Variants in SLC22A5 observed in about 807,000 individuals in gnomAD.
The protein encoded by SLC22A5 is organic cation/carnitine transporter 2.
A neutral mutation model predicts 56.7 loss-of-function variants in SLC22A5; 44 were observed. The ratio of observed to expected loss-of-function variants is 0.78; its 90% CI spans 0.61 to 1.00. The LOEUF (loss-of-function observed/expected upper bound fraction) is 1.00. SLC22A5 is among the 50% of genes least tolerant of loss of function. The pLI, the probability that SLC22A5 is intolerant of heterozygous loss-of-function variation, is 0.00. For missense variants in SLC22A5, 675 were observed against 723.0 expected, an observed-to-expected ratio of 0.93 and a Z score of 0.76; for synonymous variants, 278 against 292.1, an observed-to-expected ratio of 0.95 and a Z score of 0.49.
At chr5:132,382,169 A>C (rs1752367753) in intron 2 of SLC22A5, 1 of 152,088 alleles carries the variant, frequency 6.6e-6, no homozygotes, top group Non-Finnish European at 1.5e-5. Context: ...GAAAAAAACA[A>C]CAACAACAGA....
chr5:132,374,086 G>A lies in SLC22A5; in HGVS notation c.393+3721G>A, dbSNP rs573089495. On this transcript the variant is annotated intron_variant, in intron 1 of 9. Coordinates refer to ENST00000245407, the MANE Select transcript of SLC22A5 (RefSeq NM_003060.4). ...CAAAAATTAGCCCTGCGTGGTGGTGGGTGCCTGTAATCCCAGCTACTCGGG... is the reference window on the plus strand; with the variant it reads ...CAAAAATTAGCCCTGCGTGGTGGTGAGTGCCTGTAATCCCAGCTACTCGGG... Among the ~76,000 whole-genome samples the A allele has an allele frequency of 5.5e-4, 83 of 152,096 alleles. 1 individual carries two copies. The South Asian group carries it at 0.017, about 32-fold the overall frequency.
chr5:132,389,143 GAT>G (rs1198199028), intron 6 of SLC22A5, 122 bp downstream of exon 6: 2 of 714,696 alleles, frequency 2.8e-6, no homozygotes, highest in Non-Finnish European at 5.1e-6. Flanking sequence ...GAGTGAAAAG[GAT>G]ATGTCTTGTG....
chr5:132,383,343 C>A (rs894824244), intron 2 of SLC22A5: 2 of 150,894 alleles, frequency 1.3e-5, no homozygotes, highest in Non-Finnish European at 3.0e-5. Flanking sequence ...CCTTCTATCG[C>A]CTTCTATGCC....
chr5:132,375,250 G>A (rs1752097681), intron 1 of SLC22A5, among the ~76,000 whole-genome samples: 1 of 152,218 alleles, frequency 6.6e-6, no homozygotes, highest in Admixed American at 6.5e-5. Context: ...GCCAGGAGTT[G>A]TAGAGGATGT....
chr5:132,382,167 C>A (rs274563), intron 2 of SLC22A5: 55,466 of 151,670 alleles, frequency 0.37, 11,093 homozygotes, highest in East Asian at 0.65. Context: ...TGGAAAAAAA[C>A]AACAACAACA....
At chr5:132,381,172 A>G (rs1752332692) in intron 2 of SLC22A5, 1 of 152,182 alleles carries the variant, frequency 6.6e-6, no homozygotes, top group Non-Finnish European at 1.5e-5. Context: ...TTACCTGAGG[A>G]AAGCATTTAA....
In SLC22A5 at chr5:132,394,539, G is replaced by A. The variant is rs962428230; in HGVS notation, c.*267G>A. ...CAATGATGGACTCAGCACCTCCAAA[G>A]CAGTTAATTTTTCACTAGAACCAGT... On this transcript the variant is annotated 3_prime_UTR_variant, in exon 10 of 10. Coordinates refer to ENST00000245407, the MANE Select transcript of SLC22A5 (RefSeq NM_003060.4). 1.7e-5 allele frequency: 9 copies of A among 518,202 alleles called. No individual in the cohort carries two copies. Among genetic ancestry groups the A allele is most frequent in the African/African-American group, 1.3e-4 (7 of 52,228 alleles). 32.1% of individuals were successfully genotyped at this position (518,202 alleles called of 1,614,324 possible).
At position 132,386,826 on chromosome 5, in the gene SLC22A5, G is replaced by A. The variant is rs536949495; in HGVS notation, c.825-199G>A. Among the ~76,000 whole-genome samples, 65 of 152,254 alleles carry A rather than the reference G, an allele frequency of 4.3e-4. No homozygotes were observed. Among genetic ancestry groups the A allele is most frequent in the Non-Finnish European group, 8.2e-4 (56 of 68,010 alleles). On this transcript the variant is annotated intron_variant, in intron 4 of 9. Coordinates refer to ENST00000245407, the MANE Select transcript of SLC22A5 (RefSeq NM_003060.4). Reference sequence around the variant, plus strand: ...GTGCAGGGCTCTCCCATTTTTGTGCGGTGTGGGGTACACATAAGCTCATCC... The same window carrying A: ...GTGCAGGGCTCTCCCATTTTTGTGCAGTGTGGGGTACACATAAGCTCATCC...
At position 132,390,679 on chromosome 5, in the gene SLC22A5, C is replaced by T. The variant is rs1752664545; in HGVS notation, c.1053-11C>T. On this transcript the variant is annotated splice_polypyrimidine_tract_variant and intron_variant, in intron 6 of 9. Transcript: ENST00000245407. ...ACTGCTTTTCCAGCTTTCTTCTGCA[C>T]TCTGTTTCAGGATGACCATATCAGT... 3 of 1,599,192 alleles carry T rather than the reference C, an allele frequency of 1.9e-6. No individual in the cohort carries two copies. The highest frequency in any genetic ancestry group is 2.6e-6 in the Non-Finnish European group (3 of 1,166,234).
At chr5:132,389,127 A>G (rs1017706704) in intron 6 of SLC22A5, 106 bp downstream of exon 6, 1 of 747,474 alleles carries the variant, frequency 1.3e-6, no homozygotes, top group Non-Finnish European at 2.4e-6. Context: ...AGCCTATGTC[A>G]TCAGAGAGTG....
intron 7 of SLC22A5, among the ~76,000 whole-genome samples, chr5:132,391,111 T>C (rs2126790153): frequency 6.6e-6 from 1 of 152,318 alleles, no homozygotes; most frequent in South Asian, 2.1e-4. Context: ...AAAGCAGCCA[T>C]TGGGGCTGTT....
chr5:132,387,205 C>A, intron 5 of SLC22A5, 54 bp downstream of exon 5: 1 of 1,607,700 alleles, frequency 6.2e-7, no homozygotes, highest in Non-Finnish European at 8.5e-7. Context: ...GATTTGAGAG[C>A]AGCAGCACCC....
At chr5:132,384,904 A>G (rs1752470765) in intron 3 of SLC22A5, among the ~76,000 whole-genome samples, 1 of 152,190 alleles carries the variant, frequency 6.6e-6, no homozygotes, top group South Asian at 2.1e-4. Flanking sequence ...ACTCTAGCTG[A>G]TAAGGCCTTT....
At chr5:132,387,255 T>C in intron 5 of SLC22A5, 104 bp downstream of exon 5, 1 of 1,432,758 alleles carries the variant, frequency 7.0e-7, no homozygotes, top group South Asian at 1.1e-5. Context: ...CCCAGCCCTC[T>C]CTCCGCCCAA....
At chr5:132,389,813 C>G (rs529847276) in intron 6 of SLC22A5, 3 of 154,338 alleles carry the variant, frequency 1.9e-5, no homozygotes, top group African/African-American at 7.2e-5. Context: ...GGCAGTTCAC[C>G]ATTCCCTGAG....
At chr5:132,384,390 C>G in intron 3 of SLC22A5, 89 bp downstream of exon 3, 1 of 1,319,880 alleles carries the variant, frequency 7.6e-7, no homozygotes, top group South Asian at 1.2e-5. Flanking sequence ...TGTGATGTCC[C>G]TCAAGGGGGA....
chr5:132,390,899 C>T lies in SLC22A5; in HGVS notation c.1262C>T (p.Pro421Leu), dbSNP rs1436718402. The change falls in exon 7 of 10, where the codon CCC (proline) becomes CTC (leucine). Residue 421 changes from proline to leucine, a missense_variant. Physicochemically the swap from Pro to Leu is moderately conservative, Grantham distance 98. Coordinates refer to ENST00000245407, the MANE Select transcript of SLC22A5 (RefSeq NM_003060.4). ...GTCCTTCTCTTCATGCAGCTGGTACCCCCAGGTAGGGACCATGTGCATCTA... is the reference window on the plus strand; with the variant it reads ...GTCCTTCTCTTCATGCAGCTGGTACTCCCAGGTAGGGACCATGTGCATCTA... Reference protein sequence around the residue: ...GSVLLFMQLVPPDLYYLATVL... With the variant: ...GSVLLFMQLVLPDLYYLATVL... The T allele has an allele frequency of 1.9e-6, 3 of 1,613,476 alleles. No individual in the cohort carries two copies. Among genetic ancestry groups the T allele is most frequent in the Non-Finnish European group, 2.5e-6 (3 of 1,179,698 alleles).
chr5:132,389,705 T>G (rs1752640308), intron 6 of SLC22A5: 1 of 156,618 alleles, frequency 6.4e-6, no homozygotes, highest in Non-Finnish European at 1.4e-5. Context: ...AGAGTCCTTA[T>G]TACTAGTCTC....
intron 1 of SLC22A5, chr5:132,378,068 T>G: frequency 1.3e-6 from 2 of 1,525,884 alleles, no homozygotes; most frequent in Non-Finnish European, 1.8e-6. Flanking sequence ...TCCGCTCAGA[T>G]TTTTAGGAGC....
Sources: gnomAD v4.1 joint callset for allele counts (sites outside exome capture counted in the v4.1 genomes callset) on GRCh38, gnomAD v4.1.1 for gene constraint, MANE v1.5 for transcripts, NCBI Gene and HGNC (gene_info 2026-07-23, HGNC 2026-07-21) for gene names.